Variants in TUBB8 observed in about 807,000 individuals in gnomAD.
TUBB8 encodes the protein tubulin beta-8 chain.
Under a neutral mutation model 33.7 loss-of-function variants are expected in TUBB8, and 25 were observed. The observed-to-expected ratio is 0.74, with a 90% CI of 0.54 to 1.04. TUBB8 has a LOEUF of 1.04. Among genes scored for constraint, TUBB8 ranks in the 50% least tolerant of loss-of-function variants. TUBB8 has a pLI of 0.00. For missense variants in TUBB8, 279 were observed against 608.0 expected (o/e 0.46, Z 5.69); for synonymous variants, 245 against 240.1 (o/e 1.02, Z -0.19).
intron 1 of TUBB8, among the ~76,000 whole-genome samples, chr10:68,026 A>G (rs535389168): frequency 1.3e-5 from 2 of 152,376 alleles, no homozygotes; most frequent in South Asian, 2.1e-4. Flanking sequence ...TTAGCCATGA[A>G]TCAGGCATAA....
At chr10:59,397 C>T (rs1317038503) in intron 1 of TUBB8, among the ~76,000 whole-genome samples, 1 of 152,154 alleles carries the variant, frequency 6.6e-6, no homozygotes, top group Non-Finnish European at 1.5e-5. Context: ...CCACGTTGGC[C>T]AGGCTGGTTT....
chr10:50,782 G>A (rs1322581925), upstream of TUBB8, among the ~76,000 whole-genome samples: 1 of 120,120 alleles, frequency 8.3e-6, no homozygotes, highest in Non-Finnish European at 1.7e-5. Flanking sequence ...TTTTTGAGCT[G>A]CTGAGGTCGA....
chr10:47,111 A>G lies in TUBB8; in HGVS notation c.1281T>C (p.Asp427=). 1 of 1,498,498 alleles carries G rather than the reference A, an allele frequency of 6.7e-7. No homozygotes were observed. The allele number at this position is 1,498,498 out of a possible 1,614,324, so 92.8% of individuals were successfully genotyped here. ...CATCCTCCTCCTCCTCGGCCGTGGC[A>G]TCCTGATATTGCTGATATTCAGACA... ...DLVSEYQQYQ[D]ATAEEEEDEE... The change falls in exon 4 of 4, where the codon GAT becomes GAC. Residue 427 remains aspartate, a synonymous_variant. Transcript: ENST00000568584.
At chr10:71,214 C>T (rs1554742258) in intron 1 of TUBB8, among the ~76,000 whole-genome samples, 1 of 152,070 alleles carries the variant, frequency 6.6e-6, no homozygotes, top group African/African-American at 2.4e-5. Flanking sequence ...ACTTGGGAGG[C>T]TGAGGCAGGA....
intron 1 of TUBB8, among the ~76,000 whole-genome samples, chr10:59,776 G>A (rs1215795839): frequency 6.6e-6 from 1 of 152,230 alleles, no homozygotes. Context: ...TGGTCCTATA[G>A]ACATTTTTTT....
intron 1 of TUBB8, among the ~76,000 whole-genome samples, chr10:65,525 G>A (rs1834659203): frequency 6.6e-6 from 1 of 152,220 alleles, no homozygotes; most frequent in Admixed American, 6.5e-5. Flanking sequence ...AGGAGTTTGA[G>A]ACCAGTCTTG....
chr10:74,207 C>T (rs1554742802), upstream of TUBB8: 1 of 151,328 alleles, frequency 6.6e-6, no homozygotes, highest in Non-Finnish European at 1.5e-5. Context: ...TTGGCAGGGC[C>T]GGGCGCCCCC....
upstream of TUBB8, among the ~76,000 whole-genome samples, chr10:74,891 T>TGGGGGG (rs1554742944): frequency 3.2e-4 from 24 of 75,760 alleles, no homozygotes; most frequent in African/African-American, 7.6e-4. Flanking sequence ...TTTTTTTTTT[T>TGGGGGG]GAGACGGAGT....
At chr10:67,979 C>T (rs1265853380) in intron 1 of TUBB8, among the ~76,000 whole-genome samples, 1 of 152,146 alleles carries the variant, frequency 6.6e-6, no homozygotes, top group Non-Finnish European at 1.5e-5. Context: ...CTATGGTGCC[C>T]GGCTTTCATT....
chr10:51,254 G>A (rs144416012), upstream of TUBB8, among the ~76,000 whole-genome samples: 11 of 152,186 alleles, frequency 7.2e-5, no homozygotes, highest in Admixed American at 2.6e-4. Context: ...GATTACAGGC[G>A]CCCACCACCA....
chr10:47,541 A>G lies in TUBB8; in HGVS notation c.851T>C (p.Leu284Ser). Reference protein sequence around the residue: ...TSRGSQQYRALTVAELTQQMF... With the variant: ...TSRGSQQYRASTVAELTQQMF... Reference sequence around the variant, plus strand: ...CTGCTGGGTAAGCTCAGCCACAGTCAAGGCCCGGTACTGCTGGCTGCCCCG... The same window carrying G: ...CTGCTGGGTAAGCTCAGCCACAGTCGAGGCCCGGTACTGCTGGCTGCCCCG... The change falls in exon 4 of 4, where the codon TTG (leucine) becomes TCG (serine). Residue 284 changes from leucine (L) to serine (S), a missense_variant. Leu to Ser is a moderately radical substitution (Grantham distance 145). Around this residue, in one of 4 missense-constraint regions of TUBB8, gnomAD observed 123 missense variants for 228.9 expected, o/e 0.54. Coordinates refer to ENST00000568584, the MANE Select transcript of TUBB8 (RefSeq NM_177987.3). The G allele has an allele frequency of 6.2e-7, 1 of 1,612,076 alleles. No homozygotes were observed. The highest frequency in any genetic ancestry group is 1.1e-5 in the South Asian group (1 of 91,016).
intron 1 of TUBB8, among the ~76,000 whole-genome samples, chr10:63,987 A>G (rs1743897571): frequency 6.6e-6 from 1 of 152,214 alleles, no homozygotes; most frequent in Non-Finnish European, 1.5e-5. Flanking sequence ...AATACACAGT[A>G]GCAAACACGT....
At chr10:46,577 G>T (rs1302256400), downstream of TUBB8, among the ~76,000 whole-genome samples, 4 of 130,792 alleles carry the variant, frequency 3.1e-5, no homozygotes, top group African/African-American at 1.1e-4. Flanking sequence ...TGTCCACCAG[G>T]GTCACTGACC....
Position 59,072 on chromosome 10 carries a change from G to A in TUBB8, c.-845-8839C>T, listed in dbSNP as rs1311985236. ...TACTAGCTGTGGGTCTGTCATATAT[G>A]ACTTTTATTATGTTCAGATATGTTC... On this transcript the variant is annotated intron_variant, in intron 1 of 3. Transcript: ENST00000564130. Among the ~76,000 whole-genome samples, 4 of 152,074 alleles carry A rather than the reference G, an allele frequency of 2.6e-5. No homozygotes were observed. In the East Asian group the frequency reaches 7.7e-4, roughly 29 times the overall value.
chr10:49,220 T>G lies in TUBB8; in HGVS notation c.19A>C (p.Thr7Pro). 1 of 1,585,154 alleles carries G rather than the reference T, an allele frequency of 6.3e-7. No individual in the cohort carries two copies. The highest frequency in any genetic ancestry group is 8.6e-7 in the Non-Finnish European group (1 of 1,166,340). Residue 7 changes from threonine (T) to proline (P), a missense_variant, in exon 1 of 4, where the codon ACG becomes CCG. By Grantham distance (38) the Thr-to-Pro change is conservative. Transcript: ENST00000568584. ...TGATTCCCGCACTGCCCGATCTGCG[T>G]GAGCACGATCTCCCTCATGGCCAAG... is the stretch of plus-strand genomic sequence containing the variant. MREIVL[T>P]QIGQCGNQIG...
At chr10:54,889 C>A (rs1259411703) in intron 1 of TUBB8, among the ~76,000 whole-genome samples, 1 of 152,130 alleles carries the variant, frequency 6.6e-6, no homozygotes, top group Non-Finnish European at 1.5e-5. Context: ...TCTTGAGTAG[C>A]TGGGATTACA....
chr10:52,566 C>T (rs533051183), upstream of TUBB8, among the ~76,000 whole-genome samples: 137 of 152,318 alleles, frequency 9.0e-4, no homozygotes, highest in South Asian at 6.2e-3. Flanking sequence ...TATAATTAAA[C>T]TTGGAAGGTG....
At chr10:56,598 C>A (rs1303587363) in intron 1 of TUBB8, among the ~76,000 whole-genome samples, 7 of 150,014 alleles carry the variant, frequency 4.7e-5, no homozygotes, top group African/African-American at 1.8e-4. Flanking sequence ...GTGCTACGCA[C>A]TTGTAGATAA....
At chr10:60,711 C>G (rs1167921903) in intron 1 of TUBB8, among the ~76,000 whole-genome samples, 2 of 152,138 alleles carry the variant, frequency 1.3e-5, no homozygotes, top group Non-Finnish European at 2.9e-5. Flanking sequence ...TTTGACCCAG[C>G]CATCCCATTA....
Sources: allele counts gnomAD v4.1 joint callset (sites outside exome capture counted in the v4.1 genomes callset), GRCh38; gene constraint gnomAD v4.1.1; regional missense constraint gnomAD v4.1.1; transcripts MANE v1.5; gene names NCBI Gene and HGNC (gene_info 2026-07-23, HGNC 2026-07-21).